NBN: variants seen among roughly 807,000 people sequenced by gnomAD.
NBN encodes the protein nibrin.
Under a neutral mutation model 90.8 loss-of-function variants are expected in NBN, and 88 were observed. That is an observed-to-expected ratio of 0.97 (90% confidence interval 0.82 to 1.16). The LOEUF (loss-of-function observed/expected upper bound fraction) is 1.16. Ranked by LOEUF, NBN falls within the 50% of genes most tolerant of loss-of-function variation. The pLI is 0.00. For synonymous variants in NBN, 328 were observed against 295.1 expected, an observed-to-expected ratio of 1.11 and a Z score of -1.14; for missense variants, 894 against 869.6, an observed-to-expected ratio of 1.03 and a Z score of -0.35.
Position 89,937,016 on chromosome 8 carries a change from C to T in NBN, c.2234+10G>A. The T allele has an allele frequency of 6.2e-7, 1 of 1,601,314 alleles. No individual in the cohort carries two copies. Among genetic ancestry groups the T allele is most frequent in the Non-Finnish European group, 8.6e-7 (1 of 1,169,338 alleles). ...TCAAAGGTACATGAGAAAGGTGAAT[C>T]AAACTTTACCTAAAAAGATCATCAG... On this transcript the variant is annotated intron_variant, in intron 15 of 15. Transcript: ENST00000265433.
At chr8:89,965,071 G>A (rs1168538245) in intron 7 of NBN, among the ~76,000 whole-genome samples, 1 of 151,690 alleles carries the variant, frequency 6.6e-6, no homozygotes, top group Non-Finnish European at 1.5e-5. Flanking sequence ...CTGAGATCGC[G>A]CCACTGCACT....
chr8:89,958,933 A>G lies in NBN; in HGVS notation c.995-79T>C, dbSNP rs1242765102. On this transcript the variant is annotated intron_variant, in intron 8 of 15. Coordinates refer to ENST00000265433, the MANE Select transcript of NBN (RefSeq NM_002485.5). ...ACATCTGGTCACTTAAAATTGTTAGACTATACCATGCTGAGGGGATTAACT... is the reference window on the plus strand; with the variant it reads ...ACATCTGGTCACTTAAAATTGTTAGGCTATACCATGCTGAGGGGATTAACT... The G allele has an allele frequency of 4.5e-6, 7 of 1,553,508 alleles. No homozygotes were observed. The East Asian group carries it at 6.7e-5, about 15-fold the overall frequency.
At chr8:89,955,231 A>G in intron 10 of NBN, 52 bp downstream of exon 10, 2 of 1,557,026 alleles carry the variant, frequency 1.3e-6, no homozygotes, top group Non-Finnish European at 1.8e-6. Context: ...CAACAGTATA[A>G]AAAACTTTCA....
At chr8:89,956,096 A>G (rs766583632) in intron 9 of NBN, among the ~76,000 whole-genome samples, 1 of 151,816 alleles carries the variant, frequency 6.6e-6, no homozygotes, top group Non-Finnish European at 1.5e-5. Context: ...ATTACCAGAA[A>G]AATATTTTCA....
At chr8:89,952,765 T>G (rs1283082890) in intron 11 of NBN, among the ~76,000 whole-genome samples, 3 of 152,048 alleles carry the variant, frequency 2.0e-5, no homozygotes, top group African/African-American at 7.2e-5. Flanking sequence ...AAAAAGAAAA[T>G]AATCTCAGGT....
chr8:89,962,981 T>G (rs548139782), intron 8 of NBN, among the ~76,000 whole-genome samples: 1 of 152,142 alleles, frequency 6.6e-6, no homozygotes, highest in Non-Finnish European at 1.5e-5. Flanking sequence ...GACCTCCAGC[T>G]AATTTCCTCT....
chr8:89,940,305 T>C (rs1809881377), intron 14 of NBN, among the ~76,000 whole-genome samples: 1 of 152,098 alleles, frequency 6.6e-6, no homozygotes, highest in Admixed American at 6.6e-5. Flanking sequence ...TTTATTTTTT[T>C]GTAGAGACAG....
intron 9 of NBN, among the ~76,000 whole-genome samples, chr8:89,956,499 A>G (rs1450449892): frequency 2.6e-5 from 4 of 152,188 alleles, no homozygotes; most frequent in Non-Finnish European, 5.9e-5. Flanking sequence ...TAGAAAAACT[A>G]TCTTTATGGA....
At position 89,973,798 on chromosome 8, in the gene NBN, C is replaced by T. The variant is rs191247927; in HGVS notation, c.585-2508G>A. Among the ~76,000 whole-genome samples, 8 of 152,200 alleles carry T rather than the reference C, an allele frequency of 5.3e-5. No homozygotes were observed. In the East Asian group the frequency reaches 1.5e-3, roughly 29 times the overall value. ...GAAAGTAACCTGTCAGAGACCTAGGCTAGAGGCATATTGACTGAATATAAC... is the reference window on the plus strand; with the variant it reads ...GAAAGTAACCTGTCAGAGACCTAGGTTAGAGGCATATTGACTGAATATAAC... On this transcript the variant is annotated intron_variant, in intron 5 of 15. Coordinates refer to ENST00000265433, the MANE Select transcript of NBN (RefSeq NM_002485.5).
intron 2 of NBN, chr8:89,981,852 C>G: frequency 1.6e-6 from 1 of 631,730 alleles, no homozygotes; most frequent in Non-Finnish European, 2.4e-6. Flanking sequence ...ATGACAATTT[C>G]ATTCCTAGAT....
intron 6 of NBN, 115 bp from the exon 7 acceptor site, chr8:89,970,672 G>C (rs1368766361): frequency 9.7e-7 from 1 of 1,026,504 alleles, no homozygotes; most frequent in Non-Finnish European, 1.5e-6. Context: ...GCTACTTCTT[G>C]AGTAGGTCAT....
chr8:89,977,474 T>C (rs901091494), intron 5 of NBN, among the ~76,000 whole-genome samples: 8 of 152,244 alleles, frequency 5.3e-5, no homozygotes, highest in African/African-American at 1.9e-4. Context: ...CAGTCTATCA[T>C]TGATGGGCAT....
At chr8:89,982,238 C>T (rs1208639755) in intron 2 of NBN, among the ~76,000 whole-genome samples, 2 of 152,120 alleles carry the variant, frequency 1.3e-5, no homozygotes, top group Non-Finnish European at 2.9e-5. Context: ...TAAAACAAAT[C>T]AATTCCCATT....
chr8:89,951,832 C>T (rs1173628181), intron 11 of NBN, among the ~76,000 whole-genome samples: 1 of 152,190 alleles, frequency 6.6e-6, no homozygotes, highest in African/African-American at 2.4e-5. Flanking sequence ...CATTCATTCT[C>T]TCTTTTTTCC....
chr8:89,968,279 A>G (rs1442011794), intron 7 of NBN, among the ~76,000 whole-genome samples: 1 of 151,838 alleles, frequency 6.6e-6, no homozygotes, highest in Non-Finnish European at 1.5e-5. Flanking sequence ...AACCCAAAAA[A>G]CCATATTGTA....
chr8:89,936,045 C>T (rs2735384), intron 15 of NBN: 113,837 of 368,842 alleles, frequency 0.31, 18,291 homozygotes, highest in East Asian at 0.4. Flanking sequence ...CTGAACAACC[C>T]ATCTCATTTG....
At position 89,946,174 on chromosome 8, in the gene NBN, T is replaced by C. The variant is rs370295427; in HGVS notation, c.2036A>G (p.Tyr679Cys). The C allele has an allele frequency of 3.1e-6, 5 of 1,601,252 alleles. No individual in the cohort carries two copies. In the African/African-American group the frequency reaches 6.7e-5, roughly 21 times the overall value. ...TTTCTTGAAATTTTTTAGTTGACCATAATCATCATTTATGCCAGATGGATT... is the reference window on the plus strand; with the variant it reads ...TTTCTTGAAATTTTTTAGTTGACCACAATCATCATTTATGCCAGATGGATT... The part of the protein sequence containing the change: ...SRNPSGINDD[Y>C]GQLKNFKKFK... The change falls in exon 13 of 16, where the codon TAT becomes TGT. Residue 679 changes from tyrosine to cysteine, a missense_variant. Physicochemically the swap from Tyr to Cys is radical, Grantham distance 194. Transcript: ENST00000265433.
intron 13 of NBN, among the ~76,000 whole-genome samples, chr8:89,944,560 T>G (rs530374506): frequency 2.0e-5 from 3 of 152,250 alleles, no homozygotes; most frequent in Non-Finnish European, 4.4e-5. Context: ...TATACTGTTG[T>G]CGGTAAATTC....
chr8:89,982,923 A>G, intron 1 of NBN, 68 bp from the exon 2 acceptor site: 3 of 1,461,256 alleles, frequency 2.1e-6, no homozygotes, highest in Non-Finnish European at 2.9e-6. Context: ...GAACACACAC[A>G]TACATGTAAG....
Sources: allele counts gnomAD v4.1 joint callset (sites outside exome capture counted in the v4.1 genomes callset), GRCh38; gene constraint gnomAD v4.1.1; transcripts MANE v1.5; gene names NCBI Gene and HGNC (gene_info 2026-07-23, HGNC 2026-07-21).